Variants in CBLB observed in about 807,000 individuals in gnomAD.
The protein encoded by CBLB is Cbl proto-oncogene B.
A neutral mutation model predicts 104.9 loss-of-function variants in CBLB; 31 were observed. The observed-to-expected ratio is 0.30, with a 90% CI of 0.22 to 0.40. The LOEUF is 0.40. Ranked by LOEUF, CBLB falls within the 10% of genes least tolerant of loss-of-function variation. CBLB has a pLI of 1.00. For missense variants in CBLB, 1,062 were observed against 1,214.6 expected, an observed-to-expected ratio of 0.87 and a Z score of 1.87; for synonymous variants, 440 against 422.6, an observed-to-expected ratio of 1.04 and a Z score of -0.51.
intron 3 of CBLB, among the ~76,000 whole-genome samples, chr3:105,777,314 T>C (rs188764317): frequency 6.6e-6 from 1 of 152,346 alleles, no homozygotes; most frequent in Non-Finnish European, 1.5e-5. Context: ...TCTAATGTGC[T>C]TTCCTCATTA....
intron 9 of CBLB, among the ~76,000 whole-genome samples, chr3:105,725,759 G>A (rs1213411082): frequency 6.6e-6 from 1 of 152,210 alleles, no homozygotes; most frequent in Admixed American, 6.5e-5. Context: ...TCTATTTGTA[G>A]TACCTAAGTT....
chr3:105,708,267 CCTGG>C (rs2070507764), intron 10 of CBLB, among the ~76,000 whole-genome samples: 2 of 152,056 alleles, frequency 1.3e-5, no homozygotes, highest in African/African-American at 4.8e-5. Context: ...GAGCCAATCC[CCTGG>C]CTCAGGTTTA....
Position 105,780,860 on chromosome 3 carries a change from C to CA in CBLB, c.420-4319dup, listed in dbSNP as rs200690047. Among the ~76,000 whole-genome samples, 972 of 152,034 alleles carry CA rather than the reference C, an allele frequency of 6.4e-3. 12 individuals carry two copies. Among genetic ancestry groups the CA allele is most frequent in the African/African-American group, 0.022 (931 of 41,484 alleles). On this transcript the variant is annotated intron_variant, in intron 3 of 18. Transcript: ENST00000394030. ...TGTAGTTTTAGTAGAGACAGGGTTT[C>CA]ACCGTGTTAGCCAGGATGGTCTCAA... is the stretch of plus-strand genomic sequence containing the variant.
intron 2 of CBLB, among the ~76,000 whole-genome samples, chr3:105,866,746 T>C (rs930798287): frequency 5.9e-5 from 9 of 152,156 alleles, no homozygotes; most frequent in African/African-American, 2.2e-4. Context: ...GAAAGCAACA[T>C]GCAGAAACCA....
chr3:105,761,317 C>A (rs2077603866), intron 4 of CBLB, among the ~76,000 whole-genome samples: 1 of 152,190 alleles, frequency 6.6e-6, no homozygotes, highest in South Asian at 2.1e-4. Flanking sequence ...CAGGCATGAG[C>A]CACTGCACCC....
At chr3:105,777,537 CT>C (rs915908176) in intron 3 of CBLB, among the ~76,000 whole-genome samples, 11 of 152,280 alleles carry the variant, frequency 7.2e-5, no homozygotes, top group African/African-American at 2.6e-4. Context: ...CTGATGTGAT[CT>C]CTTGAGCCAG....
At chr3:105,673,867 C>A (rs954071540) in intron 17 of CBLB, 1 of 152,200 alleles carries the variant, frequency 6.6e-6, no homozygotes. Flanking sequence ...AGACAACTCT[C>A]GTCTACATCC....
chr3:105,829,288 C>T (rs988619875), intron 3 of CBLB, among the ~76,000 whole-genome samples: 18 of 151,982 alleles, frequency 1.2e-4, no homozygotes, highest in South Asian at 8.3e-4. Flanking sequence ...GTAAAATAAA[C>T]GTAACGAATA....
chr3:105,754,928 A>G, intron 4 of CBLB, among the ~76,000 whole-genome samples: 1 of 152,170 alleles, frequency 6.6e-6, no homozygotes, highest in East Asian at 1.9e-4. Flanking sequence ...AGACTATGTT[A>G]TAATCCTGTT....
chr3:105,745,153 T>TA (rs913167941), intron 6 of CBLB, among the ~76,000 whole-genome samples: 1 of 152,210 alleles, frequency 6.6e-6, no homozygotes, highest in Non-Finnish European at 1.5e-5. Flanking sequence ...CTAATATCCC[T>TA]ACTGCCGTAC....
At chr3:105,690,208 G>GT (rs1271848903) in intron 13 of CBLB, among the ~76,000 whole-genome samples, 1 of 152,184 alleles carries the variant, frequency 6.6e-6, no homozygotes, top group African/African-American at 2.4e-5. Context: ...CTACAGAAGT[G>GT]TATGTTTGGT....
intron 2 of CBLB, 27 bp downstream of exon 2, chr3:105,867,383 G>A (rs2092485947): frequency 1.2e-6 from 2 of 1,608,108 alleles, no homozygotes; most frequent in Non-Finnish European, 8.5e-7. Flanking sequence ...ATAGTGTTTC[G>A]CACAGGCAAC....
intron 2 of CBLB, among the ~76,000 whole-genome samples, chr3:105,858,952 T>A (rs1447595497): frequency 6.6e-6 from 1 of 152,146 alleles, no homozygotes; most frequent in Non-Finnish European, 1.5e-5. Context: ...TGCATTCCAA[T>A]ACATAAATAT....
At chr3:105,825,473 A>G (rs1005794256) in intron 3 of CBLB, among the ~76,000 whole-genome samples, 13 of 152,220 alleles carry the variant, frequency 8.5e-5, no homozygotes, top group Non-Finnish European at 1.6e-4. Flanking sequence ...CTGATATTTT[A>G]TGTTCACTCT....
rs2083757 is a variant in CBLB at position 105,722,536 on chromosome 3, A to G, written c.1204-2286T>C. Among the ~76,000 whole-genome samples the G allele has an allele frequency of 5.6e-3, 848 of 152,312 alleles. 9 individuals carry two copies. Among genetic ancestry groups the G allele is most frequent in the African/African-American group, 0.019 (794 of 41,558 alleles). ...ATTCACTGGTAAATATTTTAGTATCATAACTAAAAACCAAGAACCTTTTAA... is the reference window on the plus strand; with the variant it reads ...ATTCACTGGTAAATATTTTAGTATCGTAACTAAAAACCAAGAACCTTTTAA... On this transcript the variant is annotated intron_variant, in intron 9 of 18. Coordinates refer to ENST00000394030, the MANE Select transcript of CBLB (RefSeq NM_170662.5).
chr3:105,739,086 T>G lies in CBLB; in HGVS notation c.983+1408A>C, dbSNP rs191456421. Among the ~76,000 whole-genome samples, 970 of 152,198 alleles carry G rather than the reference T, an allele frequency of 6.4e-3. 6 individuals carry two copies. Among genetic ancestry groups the G allele is most frequent in the Non-Finnish European group, 8.8e-3 (596 of 68,010 alleles). ...CCATGCCCAGCTAATTTTTTTGCAT[T>G]TTTTGTAGAGCTAGGGTTTTGCCAT... On this transcript the variant is annotated intron_variant, in intron 7 of 18. Transcript: ENST00000394030.
At chr3:105,742,780 T>C (rs951944622) in intron 6 of CBLB, among the ~76,000 whole-genome samples, 3 of 152,226 alleles carry the variant, frequency 2.0e-5, no homozygotes, top group Non-Finnish European at 2.9e-5. Flanking sequence ...TAATTACACA[T>C]CTGCATTGCT....
chr3:105,661,051 T>C (rs2063746598), intron 18 of CBLB, among the ~76,000 whole-genome samples: 1 of 151,558 alleles, frequency 6.6e-6, no homozygotes, highest in African/African-American at 2.4e-5. Flanking sequence ...AATCCTTCCA[T>C]CTTGGCCTCC....
intron 2 of CBLB, among the ~76,000 whole-genome samples, chr3:105,858,991 C>T (rs1380327102): frequency 6.6e-6 from 1 of 152,058 alleles, no homozygotes; most frequent in Non-Finnish European, 1.5e-5. Flanking sequence ...TCAACCATAT[C>T]AAAGCAAAAG....
Sources: allele counts gnomAD v4.1 joint callset (sites outside exome capture counted in the v4.1 genomes callset), GRCh38; gene constraint gnomAD v4.1.1; transcripts MANE v1.5; gene names NCBI Gene and HGNC (gene_info 2026-07-23, HGNC 2026-07-21).